CLEC16A: variants seen among roughly 807,000 people sequenced by gnomAD.
CLEC16A encodes C-type lectin domain containing 16A, also known as protein CLEC16A.
A neutral mutation model predicts 109.5 loss-of-function variants in CLEC16A; 51 were observed. That is an observed-to-expected ratio of 0.47 (90% CI 0.37 to 0.59). The LOEUF (loss-of-function observed/expected upper bound fraction) is 0.59, where lower values mean the gene tolerates loss of function less well. Ranked by LOEUF, CLEC16A falls within the 20% of genes least tolerant of loss-of-function variation. CLEC16A has a pLI of 0.00. For missense variants in CLEC16A, 1,339 were observed against 1,394.0 expected (o/e 0.96, Z 0.63); for synonymous variants, 673 against 564.2 (o/e 1.19, Z -2.73).
chr16:11,109,416 A>T (rs1321574046), intron 19 of CLEC16A, among the ~76,000 whole-genome samples: 2 of 152,162 alleles, frequency 1.3e-5, no homozygotes, highest in African/African-American at 4.8e-5. Flanking sequence ...GGCCTCCCAA[A>T]GTAATGGGAT....
At chr16:11,081,002 A>T (rs749295681) in intron 19 of CLEC16A, among the ~76,000 whole-genome samples, 1 of 152,188 alleles carries the variant, frequency 6.6e-6, no homozygotes, top group Non-Finnish European at 1.5e-5. Context: ...GGATGCAGAA[A>T]CTGGCAGCAG....
chr16:11,094,585 C>T (rs188056223), intron 19 of CLEC16A, among the ~76,000 whole-genome samples: 5 of 152,358 alleles, frequency 3.3e-5, no homozygotes, highest in African/African-American at 9.6e-5. Flanking sequence ...CAGGCAAGCT[C>T]CTTTCTTAAG....
chr16:11,096,337 C>G (rs905784659), intron 19 of CLEC16A, among the ~76,000 whole-genome samples: 2 of 151,762 alleles, frequency 1.3e-5, no homozygotes, highest in Non-Finnish European at 2.9e-5. Context: ...AGAGTGAGAC[C>G]CTGTCTCAAA....
intron 10 of CLEC16A, among the ~76,000 whole-genome samples, chr16:10,985,222 T>A (rs28476762): frequency 0.35 from 41,296 of 117,442 alleles, 7,796 homozygotes; most frequent in East Asian, 0.63. Context: ...AAAAAAAAAA[T>A]ATATATATAT....
At chr16:11,106,780 G>A (rs750739832) in intron 19 of CLEC16A, among the ~76,000 whole-genome samples, 9 of 152,060 alleles carry the variant, frequency 5.9e-5, no homozygotes, top group Admixed American at 2.0e-4. Context: ...ATATCATGAA[G>A]TAGAGCTATA....
chr16:10,947,956 C>G (rs978468401), intron 1 of CLEC16A, among the ~76,000 whole-genome samples: 57 of 151,958 alleles, frequency 3.8e-4, no homozygotes, highest in Non-Finnish European at 7.1e-4. Context: ...TGCAGTGGCA[C>G]GATCTTGGCT....
chr16:11,028,976 C>G (rs1277555087), intron 13 of CLEC16A, among the ~76,000 whole-genome samples: 1 of 152,086 alleles, frequency 6.6e-6, no homozygotes, highest in Non-Finnish European at 1.5e-5. Flanking sequence ...TGATTTTTCT[C>G]CTGCTTTTGG....
In CLEC16A at chr16:11,051,574, G is replaced by T; in HGVS notation, c.1928G>T (p.Gly643Val). The change falls in exon 18 of 24, where the codon GGC becomes GTC. Residue 643 changes from glycine to valine, a missense_variant. Around this residue, in one of 3 missense-constraint regions of CLEC16A, gnomAD observed 1,061 missense variants for 1,006.8 expected, o/e 1.05. Coordinates refer to ENST00000409790, the MANE Select transcript of CLEC16A (RefSeq NM_015226.3). ...GCCTCCATCCTGCTGCCCCCAACAG[G>T]CACGCCACTGACGGGCATTGACTTC... ...MDASILLPPT[G>V]TPLTGIDFVK... 1 of 1,614,032 alleles carries T rather than the reference G, an allele frequency of 6.2e-7. No homozygotes were observed. The highest frequency in any genetic ancestry group is 1.6e-4 in the Middle Eastern group (1 of 6,062).
At chr16:11,122,631 G>C (rs946649829) in intron 20 of CLEC16A, among the ~76,000 whole-genome samples, 1 of 152,148 alleles carries the variant, frequency 6.6e-6, no homozygotes, top group African/African-American at 2.4e-5. Context: ...TGTAGTGCCT[G>C]AGAACCACAA....
intron 23 of CLEC16A, among the ~76,000 whole-genome samples, chr16:11,170,938 G>A (rs1031169709): frequency 2.6e-5 from 4 of 152,164 alleles, no homozygotes; most frequent in South Asian, 2.1e-4. Flanking sequence ...GATGACAGCC[G>A]GGGGATGAGG....
chr16:11,053,319 A>T (rs186083731), intron 18 of CLEC16A, among the ~76,000 whole-genome samples: 1 of 152,274 alleles, frequency 6.6e-6, no homozygotes, highest in African/African-American at 2.4e-5. Context: ...ATTAAATTCT[A>T]TAACCATCCT....
intron 12 of CLEC16A, among the ~76,000 whole-genome samples, chr16:11,020,534 G>C (rs755380312): frequency 2.8e-5 from 4 of 141,834 alleles, no homozygotes; most frequent in Non-Finnish European, 4.5e-5. Flanking sequence ...CCTTTGCAAA[G>C]AGATTCGCCA....
intron 11 of CLEC16A, among the ~76,000 whole-genome samples, chr16:11,015,742 C>T (rs1448813298): frequency 6.6e-6 from 1 of 152,262 alleles, no homozygotes; most frequent in Non-Finnish European, 1.5e-5. Context: ...AAGGGGACAA[C>T]TACGTCACAA....
chr16:11,078,447 CT>C (rs1441693997), intron 19 of CLEC16A, among the ~76,000 whole-genome samples: 1 of 152,216 alleles, frequency 6.6e-6, no homozygotes, highest in Non-Finnish European at 1.5e-5. Flanking sequence ...TCTAGGAACT[CT>C]CCTTGCCCAC....
At chr16:11,027,652 A>G in intron 13 of CLEC16A, 1 of 1,547,436 alleles carries the variant, frequency 6.5e-7, no homozygotes, top group Non-Finnish European at 8.8e-7. Flanking sequence ...CGCCCTTTCC[A>G]CCTCTCAGTG....
intron 22 of CLEC16A, among the ~76,000 whole-genome samples, chr16:11,133,045 C>T (rs1567370027): frequency 6.6e-6 from 1 of 152,160 alleles, no homozygotes; most frequent in Non-Finnish European, 1.5e-5. Context: ...GGACTTTATT[C>T]ACTTCCTGTC....
At chr16:11,003,350 A>C (rs771885261) in intron 11 of CLEC16A, 45 bp downstream of exon 11, 1 of 1,537,932 alleles carries the variant, frequency 6.5e-7, no homozygotes, top group East Asian at 2.3e-5. Flanking sequence ...GCCGCCAGCC[A>C]GCCCGCCAGC....
chr16:11,156,683 G>T (rs971998275), intron 22 of CLEC16A: 92 of 1,302,774 alleles, frequency 7.1e-5, no homozygotes, highest in Non-Finnish European at 8.5e-5. Flanking sequence ...TTTACAGACG[G>T]TAATACCAGT....
rs946695404 is a variant in CLEC16A, at chr16:11,180,123, G to A, written c.*1433G>A. 1 of 152,338 alleles carries A rather than the reference G, an allele frequency of 6.6e-6. No individual in the cohort carries two copies. The highest frequency in any genetic ancestry group is 2.4e-5 in the African/African-American group (1 of 41,474). The allele number at this position is 152,338 out of a possible 1,614,324, so 9.4% of individuals were successfully genotyped here. A position where few individuals can be genotyped will look rare whatever the true frequency, so the allele number is the denominator to read the frequency against. On this transcript the variant is annotated 3_prime_UTR_variant, in exon 24 of 24. Transcript: ENST00000409790. ...GTATCCGCCGGAGCCTGGCCATAGG[G>A]TAGTCTCGGGAGCCGCGCTGAGATC... is the stretch of plus-strand genomic sequence containing the variant.
Sources: gnomAD v4.1 joint callset for allele counts (sites outside exome capture counted in the v4.1 genomes callset) on GRCh38, gnomAD v4.1.1 for gene constraint, gnomAD v4.1.1 regional missense constraint, MANE v1.5 for transcripts, NCBI Gene and HGNC (gene_info 2026-07-23, HGNC 2026-07-21) for gene names.